BFSP2: variants seen among roughly 807,000 people sequenced by gnomAD.
BFSP2 encodes beaded filament structural protein 2, also known as phakinin.
In BFSP2, 38 loss-of-function variants were observed where a neutral mutation model predicts 44.9. That is an observed-to-expected ratio of 0.85 (90% CI 0.65 to 1.11). BFSP2 has a LOEUF of 1.11. BFSP2 is among the 50% of genes least tolerant of loss of function. The pLI, the probability that BFSP2 is intolerant of heterozygous loss-of-function variation, is 0.00. For missense variants in BFSP2, 525 were observed against 533.0 expected (o/e 0.99, Z 0.15); for synonymous variants, 197 against 209.9 (o/e 0.94, Z 0.53).
intron 1 of BFSP2, among the ~76,000 whole-genome samples, chr3:133,416,820 T>C (rs1220691488): frequency 2.4e-4 from 27 of 110,712 alleles, no homozygotes; most frequent in Admixed American, 4.8e-4. Context: ...TTCACCCCTG[T>C]CCTCTCCCCT....
chr3:133,405,740 C>T (rs999835624), intron 1 of BFSP2, among the ~76,000 whole-genome samples: 1 of 152,142 alleles, frequency 6.6e-6, no homozygotes, highest in South Asian at 2.1e-4. Flanking sequence ...GCCAGTGGGG[C>T]GGTTTCTTTG....
chr3:133,419,837 C>G (rs2073576465), intron 1 of BFSP2, among the ~76,000 whole-genome samples: 1 of 152,246 alleles, frequency 6.6e-6, no homozygotes, highest in African/African-American at 2.4e-5. Context: ...GCTGAGCAGT[C>G]AGCACTCAAG....
Position 133,472,396 on chromosome 3 carries a change from G to A in BFSP2, c.1075G>A (p.Glu359Lys). 6.2e-7 allele frequency: 1 copy of A among 1,614,030 alleles called. No individual in the cohort carries two copies. Among genetic ancestry groups the A allele is most frequent in the South Asian group, 1.1e-5 (1 of 91,084 alleles). ...LHDAKHWHDM[E>K]LQNLGAVVGR... ...CGATGCCAAGCACTGGCATGACATG[G>A]AGCTCCAGAACCTGGGCGCTGTGGT... Residue 359 changes from glutamate to lysine, a missense_variant, in exon 6 of 7, where the codon GAG (glutamate) becomes AAG (lysine). Transcript: ENST00000302334.
intron 1 of BFSP2, among the ~76,000 whole-genome samples, chr3:133,401,265 A>T (rs2073360742): frequency 6.6e-6 from 1 of 152,246 alleles, no homozygotes; most frequent in Admixed American, 6.5e-5. Flanking sequence ...ATTTACATTC[A>T]AGTAGAGCTT....
chr3:133,466,472 G>A (rs1052187560), intron 4 of BFSP2, among the ~76,000 whole-genome samples: 1 of 151,654 alleles, frequency 6.6e-6, no homozygotes, highest in African/African-American at 2.4e-5. Context: ...CTGAGGTCAG[G>A]AGTTCAAGAC....
At chr3:133,438,477 G>A (rs980349244) in intron 1 of BFSP2, among the ~76,000 whole-genome samples, 23 of 152,224 alleles carry the variant, frequency 1.5e-4, no homozygotes, top group African/African-American at 4.3e-4. Context: ...AGAGGTTGCA[G>A]TGAGCTGAGA....
chr3:133,467,062 A>C, intron 5 of BFSP2, 103 bp downstream of exon 5: 21 of 1,496,956 alleles, frequency 1.4e-5, no homozygotes, highest in Non-Finnish European at 1.6e-5. Flanking sequence ...TTCCCATCTC[A>C]CAGCATATGA....
At position 133,439,596 on chromosome 3, in the gene BFSP2, C is replaced by T. The variant is rs559413914; in HGVS notation, c.490-7721C>T. The stretch of plus-strand genomic sequence containing the variant: ...AGGGTTTGAAGGATGGATAGGAGTT[C>T]ACCAGACAAAGGAAAGTAGGAGGCA... On this transcript the variant is annotated intron_variant, in intron 1 of 6. Coordinates refer to ENST00000302334, the MANE Select transcript of BFSP2 (RefSeq NM_003571.4). 7.9e-5 allele frequency among the ~76,000 whole-genome samples: 12 copies of T among 152,322 alleles called. No homozygotes were observed. The East Asian group carries it at 2.1e-3, about 27-fold the overall frequency.
rs749155249 is a variant in BFSP2, at chr3:133,448,489, A to C, written c.573A>C (p.Arg191Ser). 5.1e-5 allele frequency: 83 copies of C among 1,613,740 alleles called. No individual in the cohort carries two copies. Among genetic ancestry groups the C allele is most frequent in the Non-Finnish European group, 6.9e-5 (82 of 1,180,012 alleles). ...IQAGADDFKE[R>S]YENEQPFRKA... ...GCTAATTAAGTTCCTTTATCTGCAG[A>C]TATGAAAATGAGCAGCCATTTCGAA... The change falls in exon 3 of 7, where the codon AGA (arginine) becomes AGC (serine). Residue 191 changes from arginine to serine, a missense_variant and splice_region_variant. Transcript: ENST00000302334.
At chr3:133,447,439 C>T (rs1357246359) in intron 2 of BFSP2, 40 bp downstream of exon 2, 1 of 1,586,192 alleles carries the variant, frequency 6.3e-7, no homozygotes, top group Non-Finnish European at 8.6e-7. Context: ...CTCCACATCC[C>T]TAGACTCCTA....
chr3:133,431,552 C>A (rs529092760), intron 1 of BFSP2, among the ~76,000 whole-genome samples: 13 of 152,150 alleles, frequency 8.5e-5, no homozygotes. Flanking sequence ...AACTCTGGCC[C>A]GAGGCTCTCT....
At chr3:133,469,336 T>C (rs1223714538) in intron 5 of BFSP2, among the ~76,000 whole-genome samples, 1 of 152,248 alleles carries the variant, frequency 6.6e-6, no homozygotes, top group African/African-American at 2.4e-5. Flanking sequence ...GTCAGAGCGA[T>C]CTGTGCACAC....
At chr3:133,401,840 TCCCC>T (rs2073364787) in intron 1 of BFSP2, among the ~76,000 whole-genome samples, 1 of 152,108 alleles carries the variant, frequency 6.6e-6, no homozygotes, top group African/African-American at 2.4e-5. Flanking sequence ...ACACAGGGAC[TCCCC>T]ATTTGCCCCT....
intron 1 of BFSP2, chr3:133,429,642 GTTT>G (rs1310253230): frequency 5.9e-5 from 9 of 151,888 alleles, no homozygotes; most frequent in African/African-American, 2.2e-4. Context: ...CACTTATTGT[GTTT>G]TTGAGATTTA....
chr3:133,422,958 G>A (rs1046376648), intron 1 of BFSP2, among the ~76,000 whole-genome samples: 17 of 152,126 alleles, frequency 1.1e-4, no homozygotes, highest in Admixed American at 7.2e-4. Flanking sequence ...TACTGAATAC[G>A]TGAGCCTTCT....
intron 1 of BFSP2, among the ~76,000 whole-genome samples, chr3:133,407,237 A>C (rs1020138669): frequency 2.0e-5 from 3 of 152,192 alleles, no homozygotes; most frequent in African/African-American, 7.2e-5. Flanking sequence ...AAACAATGCT[A>C]TTTATATATA....
At chr3:133,410,153 G>A (rs1265331156) in intron 1 of BFSP2, 5 of 169,638 alleles carry the variant, frequency 2.9e-5, no homozygotes, top group African/African-American at 9.6e-5. Context: ...AGATTTTATA[G>A]GAGACAAATC....
chr3:133,413,506 T>G (rs2073476270), intron 1 of BFSP2, among the ~76,000 whole-genome samples: 1 of 152,100 alleles, frequency 6.6e-6, no homozygotes, highest in Admixed American at 6.5e-5. Context: ...AGTGAAAGAA[T>G]GGCTGAACCA....
At chr3:133,414,555 AC>A (rs1275313621) in intron 1 of BFSP2, among the ~76,000 whole-genome samples, 6 of 55,036 alleles carry the variant, frequency 1.1e-4, no homozygotes, top group Middle Eastern at 0.014. Context: ...CCCTCTACTC[AC>A]CCCTGCCCTC....
Sources: gnomAD v4.1 joint callset for allele counts (sites outside exome capture counted in the v4.1 genomes callset) on GRCh38, gnomAD v4.1.1 for gene constraint, MANE v1.5 for transcripts, NCBI Gene and HGNC (gene_info 2026-07-23, HGNC 2026-07-21) for gene names.